SLC25A42: variants seen among roughly 807,000 people sequenced by gnomAD.
The protein encoded by SLC25A42 is mitochondrial coenzyme A transporter SLC25A42.
A neutral mutation model predicts 34.7 loss-of-function variants in SLC25A42; 19 were observed. The observed-to-expected ratio is 0.55, with a 90% confidence interval of 0.38 to 0.80. SLC25A42 has a LOEUF of 0.80. Ranked by LOEUF, SLC25A42 falls within the 30% of genes least tolerant of loss-of-function variation. SLC25A42 has a pLI of 0.00. For synonymous variants in SLC25A42, 205 were observed against 191.2 expected, an observed-to-expected ratio of 1.07 and a Z score of -0.59; for missense variants, 364 against 441.3, an observed-to-expected ratio of 0.82 and a Z score of 1.57.
At chr19:19,094,033 G>T (rs1466003902) in intron 1 of SLC25A42, among the ~76,000 whole-genome samples, 1 of 152,332 alleles carries the variant, frequency 6.6e-6, no homozygotes, top group East Asian at 1.9e-4. Flanking sequence ...GACCCTAGTC[G>T]TCACACTCCA....
chr19:19,100,628 G>A (rs1199468269), intron 2 of SLC25A42, among the ~76,000 whole-genome samples: 1 of 152,168 alleles, frequency 6.6e-6, no homozygotes, highest in African/African-American at 2.4e-5. Context: ...CCAACCCAGA[G>A]TTCTTACAGA....
At chr19:19,104,802 T>C (rs1189858366) in intron 3 of SLC25A42, 111 bp from the exon 4 acceptor site, 11 of 1,147,240 alleles carry the variant, frequency 9.6e-6, no homozygotes, top group Admixed American at 2.2e-5. Context: ...TGGGACAAGA[T>C]TGGGGGGAAA....
intron 1 of SLC25A42, among the ~76,000 whole-genome samples, chr19:19,065,862 T>C (rs1210915927): frequency 6.6e-6 from 1 of 152,186 alleles, no homozygotes; most frequent in Non-Finnish European, 1.5e-5. Context: ...TATATAGTTT[T>C]TGGGTTTTTT....
intron 1 of SLC25A42, among the ~76,000 whole-genome samples, chr19:19,094,082 C>T (rs374438192): frequency 9.2e-5 from 14 of 152,322 alleles, no homozygotes; most frequent in African/African-American, 2.6e-4. Flanking sequence ...TCCCAGCCAG[C>T]GTTGTCCTGG....
chr19:19,075,782 C>T (rs922220107), intron 1 of SLC25A42, among the ~76,000 whole-genome samples: 2 of 152,198 alleles, frequency 1.3e-5, no homozygotes, highest in East Asian at 1.9e-4. Context: ...CCCTAGCCTG[C>T]AGGTATCCTC....
At chr19:19,070,317 G>A (rs12973058) in intron 1 of SLC25A42, among the ~76,000 whole-genome samples, 2 of 80,388 alleles carry the variant, frequency 2.5e-5, no homozygotes, top group African/African-American at 8.3e-5. Flanking sequence ...TTTTTTTTTA[G>A]ACAGAGTTTT....
rs759156884 is a variant in SLC25A42 at position 19,090,735 on chromosome 19, G to C, written c.-34-5356G>C. 2.0e-5 allele frequency among the ~76,000 whole-genome samples: 3 copies of C among 152,186 alleles called. 1 individual carries two copies. Among genetic ancestry groups the C allele is most frequent in the Non-Finnish European group, 4.4e-5 (3 of 68,042 alleles). The stretch of plus-strand genomic sequence containing the variant: ...GAACTTAGCAAGGCCTGTTTGTTCA[G>C]GTTCTTCTTGGCATCTTTGCATCTT... On this transcript the variant is annotated intron_variant, in intron 1 of 7. Transcript: ENST00000318596.
At chr19:19,077,866 G>A (rs556531636) in intron 1 of SLC25A42, among the ~76,000 whole-genome samples, 3 of 152,248 alleles carry the variant, frequency 2.0e-5, no homozygotes, top group Non-Finnish European at 2.9e-5. Context: ...CAGCCTGGGC[G>A]ACAGAGTGAG....
At chr19:19,084,059 C>CAT in intron 1 of SLC25A42, among the ~76,000 whole-genome samples, 1 of 151,360 alleles carries the variant, frequency 6.6e-6, no homozygotes, top group Middle Eastern at 3.5e-3. Flanking sequence ...CACCTGACTG[C>CAT]ACCCCACCAC....
intron 1 of SLC25A42, among the ~76,000 whole-genome samples, chr19:19,095,158 G>A (rs1025925506): frequency 3.3e-5 from 5 of 152,050 alleles, no homozygotes; most frequent in African/African-American, 9.7e-5. Flanking sequence ...CCGAGATCAT[G>A]CCACTGCATT....
At chr19:19,098,936 A>T (rs543789121) in intron 2 of SLC25A42, among the ~76,000 whole-genome samples, 29 of 152,242 alleles carry the variant, frequency 1.9e-4, no homozygotes, top group African/African-American at 6.7e-4. Context: ...AACAAACAAA[A>T]CGACAAACTG....
chr19:19,072,741 G>C (rs889330168), intron 1 of SLC25A42, among the ~76,000 whole-genome samples: 1 of 152,086 alleles, frequency 6.6e-6, no homozygotes, highest in Non-Finnish European at 1.5e-5. Context: ...GTGCAGTGGT[G>C]TAATCACAGC....
At chr19:19,092,773 G>A (rs923404539) in intron 1 of SLC25A42, among the ~76,000 whole-genome samples, 4 of 152,200 alleles carry the variant, frequency 2.6e-5, no homozygotes, top group African/African-American at 4.8e-5. Flanking sequence ...CCAGCACCTC[G>A]ATTCTAGGAA....
At chr19:19,092,656 C>T (rs1032256856) in intron 1 of SLC25A42, among the ~76,000 whole-genome samples, 4 of 152,216 alleles carry the variant, frequency 2.6e-5, no homozygotes, top group East Asian at 1.9e-4. Flanking sequence ...GGACCCCCTT[C>T]GGCCAGGACC....
At chr19:19,069,066 A>G (rs1568505540) in intron 1 of SLC25A42, among the ~76,000 whole-genome samples, 2 of 152,000 alleles carry the variant, frequency 1.3e-5, no homozygotes, top group African/African-American at 4.8e-5. Flanking sequence ...ATGTGAAAAG[A>G]AAGAAGATTT....
At chr19:19,093,526 A>G (rs1017091921) in intron 1 of SLC25A42, among the ~76,000 whole-genome samples, 1 of 152,126 alleles carries the variant, frequency 6.6e-6, no homozygotes, top group Non-Finnish European at 1.5e-5. Flanking sequence ...TTCTCTGTCC[A>G]AGGATCCCAC....
intron 1 of SLC25A42, among the ~76,000 whole-genome samples, chr19:19,089,075 G>T (rs962970930): frequency 6.6e-6 from 1 of 152,018 alleles, no homozygotes; most frequent in African/African-American, 2.4e-5. Context: ...AAAGTGCTGG[G>T]ATTACAGGCG....
chr19:19,095,440 C>T (rs1265129226), intron 1 of SLC25A42, among the ~76,000 whole-genome samples: 1 of 151,970 alleles, frequency 6.6e-6, no homozygotes, highest in African/African-American at 2.4e-5. Context: ...ATGGTGAAAC[C>T]CCATCTCTAC....
chr19:19,100,941 G>A (rs185619461), intron 2 of SLC25A42, among the ~76,000 whole-genome samples: 37 of 152,292 alleles, frequency 2.4e-4, no homozygotes, highest in Middle Eastern at 6.8e-3. Flanking sequence ...TGAGTCCCAT[G>A]GCCGAGTCCA....
Sources: allele counts gnomAD v4.1 joint callset (sites outside exome capture counted in the v4.1 genomes callset), GRCh38; gene constraint gnomAD v4.1.1; transcripts MANE v1.5; gene names NCBI Gene and HGNC (gene_info 2026-07-23, HGNC 2026-07-21).